DNAH1: variants seen among roughly 807,000 people sequenced by gnomAD.
The protein encoded by DNAH1 is dynein axonemal heavy chain 1.
Under a neutral mutation model 484.3 loss-of-function variants are expected in DNAH1, and 327 were observed. The observed-to-expected ratio is 0.68, with a 90% confidence interval of 0.62 to 0.74. DNAH1 has a LOEUF of 0.74. Ranked by LOEUF, DNAH1 falls within the 30% of genes least tolerant of loss-of-function variation. The pLI is 0.00. For missense variants in DNAH1, 5,052 were observed against 5,546.8 expected, an observed-to-expected ratio of 0.91 and a Z score of 2.83; for synonymous variants, 2,192 against 2,191.9, an observed-to-expected ratio of 1.00 and a Z score of 0.00.
At position 52,346,747 on chromosome 3, in the gene DNAH1, C is replaced by G. The variant is rs375044038; in HGVS notation, c.1932C>G (p.Asp644Glu). ...GCACCGATGACATGGTCTGGGGTGA[C>G]GACTTAATTAACAGCCCCTACAGGT... ...LNCTDDMVWG[D>E]DLINSPYRPR... Residue 644 changes from aspartate to glutamate, a missense_variant, in exon 11 of 78, where the codon GAC becomes GAG. Asp to Glu is a conservative substitution (Grantham distance 45). Around this residue, in one of 4 missense-constraint regions of DNAH1, gnomAD observed 1,263 missense variants for 1,218.8 expected, o/e 1.04. Coordinates refer to ENST00000420323, the MANE Select transcript of DNAH1 (RefSeq NM_015512.5). 5 of 1,606,832 alleles carry G rather than the reference C, an allele frequency of 3.1e-6. No individual in the cohort carries two copies. The highest frequency in any genetic ancestry group is 4.3e-6 in the Non-Finnish European group (5 of 1,173,944).
At position 52,392,510 on chromosome 3, in the gene DNAH1, C is replaced by T. The variant is rs777245791; in HGVS notation, c.10099C>T (p.Pro3367Ser). ...GGGCCAGGTAGTGGCAGAGGAGCGA[C>T]CCGACCTGGAGGAGGCCAAGAACCA... is the stretch of plus-strand genomic sequence containing the variant. ...LLGQVVAEER[P>S]DLEEAKNQLI... The change falls in exon 64 of 78, where the codon CCC becomes TCC. Residue 3367 changes from proline (P) to serine (S), a missense_variant. Physicochemically the swap from Pro to Ser is moderately conservative, Grantham distance 74. Coordinates refer to ENST00000420323, the MANE Select transcript of DNAH1 (RefSeq NM_015512.5). 5.0e-6 allele frequency: 8 copies of T among 1,613,830 alleles called. No homozygotes were observed. The highest frequency in any genetic ancestry group is 6.8e-6 in the Non-Finnish European group (8 of 1,179,888).
chr3:52,388,389 G>A (rs762261104), intron 57 of DNAH1, 29 bp from the exon 58 acceptor site: 5 of 1,603,262 alleles, frequency 3.1e-6, no homozygotes, highest in African/African-American at 2.7e-5. Flanking sequence ...GGTACTTGGC[G>A]AGCTAATCCT....
chr3:52,327,919 G>A lies in DNAH1; in HGVS notation c.776G>A (p.Arg259Lys), dbSNP rs780285931. ...GAGGACTTTGACTGCCGGACTCCCA[G>A]AGAGTGGATCAACATGGGCTTGGAG... Reference protein sequence around the residue: ...DNEDFDCRTPREWINMGLEPG... With the variant: ...DNEDFDCRTPKEWINMGLEPG... The change falls in exon 6 of 78, where the codon AGA (arginine) becomes AAA (lysine). Residue 259 changes from arginine (R) to lysine (K), a missense_variant. Physicochemically the swap from Arg to Lys is conservative, Grantham distance 26. Around this residue, in one of 4 missense-constraint regions of DNAH1, gnomAD observed 1,263 missense variants for 1,218.8 expected, o/e 1.04. Coordinates refer to ENST00000420323, the MANE Select transcript of DNAH1 (RefSeq NM_015512.5). The A allele has an allele frequency of 6.2e-7, 1 of 1,613,894 alleles. No homozygotes were observed. The highest frequency in any genetic ancestry group is 1.3e-5 in the African/African-American group (1 of 74,944).
intron 6 of DNAH1, among the ~76,000 whole-genome samples, chr3:52,329,818 C>G (rs1419802299): frequency 2.7e-5 from 4 of 150,794 alleles, no homozygotes; most frequent in Non-Finnish European, 5.9e-5. Flanking sequence ...GAGTGAGACT[C>G]CATCTGGAAA....
rs1703749583 is a variant in DNAH1, at chr3:52,379,571, T to G, written c.7378-334T>G. 6.6e-6 allele frequency among the ~76,000 whole-genome samples: 1 copy of G among 151,582 alleles called. No homozygotes were observed. The stretch of plus-strand genomic sequence containing the variant: ...AGGAGCATCAAGCATCCCTCCCAGG[T>G]TTGGGGTTAGGGGAGCGACAGGGGG... On this transcript the variant is annotated intron_variant, in intron 47 of 77. Transcript: ENST00000420323. The surrounding 1 kb of genome is among the most constrained non-coding windows in gnomAD (Gnocchi z 4.4).
At chr3:52,386,074 G>T in intron 54 of DNAH1, 86 bp from the exon 55 acceptor site, 7 of 1,439,712 alleles carry the variant, frequency 4.9e-6, no homozygotes, top group Non-Finnish European at 5.6e-6. Flanking sequence ...GGAGAACAGG[G>T]CACCCCAACT....
rs948703765 is a variant in DNAH1, at chr3:52,372,094, C to A, written c.6666+8C>A. 15 of 1,610,846 alleles carry A rather than the reference C, an allele frequency of 9.3e-6. No homozygotes were observed. Among genetic ancestry groups the A allele is most frequent in the East Asian group, 4.5e-5 (2 of 44,878 alleles). ...CTCACCAACAAGAAGCCCGTGAGCA[C>A]CCCCCCAGGCCCTGCCTCCACTGTC... On this transcript the variant is annotated splice_region_variant and intron_variant, in intron 42 of 77. Coordinates refer to ENST00000420323, the MANE Select transcript of DNAH1 (RefSeq NM_015512.5).
Position 52,388,161 on chromosome 3 carries a change from C to T in DNAH1, c.9004-6C>T, listed in dbSNP as rs1157685380. 1 of 1,606,852 alleles carries T rather than the reference C, an allele frequency of 6.2e-7. No homozygotes were observed. The highest frequency in any genetic ancestry group is 1.1e-5 in the South Asian group (1 of 89,240). On this transcript the variant is annotated splice_polypyrimidine_tract_variant and splice_region_variant and intron_variant, in intron 56 of 77. Transcript: ENST00000420323. ...AGCCTCTTGAGACCCAGGCTTCCCA[C>T]CTCAGGACAACATTGGGGATGTGGT...
chr3:52,350,177 G>A (rs956660541), intron 15 of DNAH1, 69 bp downstream of exon 15: 6 of 1,568,384 alleles, frequency 3.8e-6, no homozygotes, highest in Non-Finnish European at 5.2e-6. Flanking sequence ...GAGGGCTGGG[G>A]CAGGCAGGGG....
intron 77 of DNAH1, 101 bp downstream of exon 77, chr3:52,399,880 G>A (rs143158629): frequency 7.2e-5 from 91 of 1,258,774 alleles, no homozygotes; most frequent in Non-Finnish European, 9.3e-5. Context: ...GAACAAGGAA[G>A]GACAACAGAG....
Position 52,388,439 on chromosome 3 carries a change from G to T in DNAH1, c.9193G>T (p.Asp3065Tyr). The change falls in exon 58 of 78, where the codon GAT becomes TAT. Residue 3065 changes from aspartate (D) to tyrosine (Y), a missense_variant. Transcript: ENST00000420323. ...PKRQALLEAQ[D>Y]DLGVTQRILD... is the part of the protein sequence containing the mutation. ...ACAGCAAGCCCTGCTGGAGGCCCAG[G>T]ATGACCTGGGGGTGACACAGAGGAT... 2.5e-6 allele frequency: 4 copies of T among 1,612,524 alleles called. No homozygotes were observed. The highest frequency in any genetic ancestry group is 3.4e-6 in the Non-Finnish European group (4 of 1,179,264).
At chr3:52,400,029 G>C (rs1356575973) in intron 77 of DNAH1, among the ~76,000 whole-genome samples, 1 of 152,238 alleles carries the variant, frequency 6.6e-6, no homozygotes, top group Non-Finnish European at 1.5e-5. Context: ...ACAAGCCCCA[G>C]CCTGTCATTG....
At chr3:52,317,345 CAT>C (rs1700983235) in intron 1 of DNAH1, among the ~76,000 whole-genome samples, 1 of 152,150 alleles carries the variant, frequency 6.6e-6, no homozygotes, top group Non-Finnish European at 1.5e-5. Context: ...GTGTCGGGCG[CAT>C]CCGCTGCCCA....
At chr3:52,351,268 C>G (rs1467660750) in intron 16 of DNAH1, among the ~76,000 whole-genome samples, 2 of 152,174 alleles carry the variant, frequency 1.3e-5, no homozygotes, top group East Asian at 3.9e-4. Context: ...TGGAGAGGGG[C>G]ATTTGTCCCC....
chr3:52,392,808 CCCCCA>C lies in DNAH1; in HGVS notation c.10279-18_10279-14del. The C allele has an allele frequency of 1.7e-6, 1 of 584,412 alleles. No individual in the cohort carries two copies. The highest frequency in any genetic ancestry group is 3.1e-6 in the Non-Finnish European group (1 of 318,472). 36.2% of individuals were successfully genotyped at this position (584,412 alleles called of 1,614,324 possible). A position where few individuals can be genotyped will look rare whatever the true frequency, so the allele number is the denominator to read the frequency against. On this transcript the variant is annotated splice_polypyrimidine_tract_variant and intron_variant, in intron 64 of 77. Transcript: ENST00000420323. Reference sequence around the variant, plus strand: ...CCTACCTTCTGCTCTTTGACCCCTCCCCCCACCCACTACACCCACAGGCCAAAGTC... The same window carrying C: ...CCTACCTTCTGCTCTTTGACCCCTCCCCCACTACACCCACAGGCCAAAGTC...
In DNAH1 at chr3:52,347,861, C is replaced by A; in HGVS notation, c.1993C>A (p.Leu665Met). 1 of 1,602,798 alleles carries A rather than the reference C, an allele frequency of 6.2e-7. No homozygotes were observed. The highest frequency in any genetic ancestry group is 8.5e-7 in the Non-Finnish European group (1 of 1,174,516). The change falls in exon 12 of 78, where the codon CTG becomes ATG. Residue 665 changes from leucine (L) to methionine (M), a missense_variant. Leu to Met is a conservative substitution (Grantham distance 15, BLOSUM62 2). Around this residue, in one of 4 missense-constraint regions of DNAH1, gnomAD observed 1,263 missense variants for 1,218.8 expected, o/e 1.04. Transcript: ENST00000420323. The stretch of plus-strand genomic sequence containing the variant: ...TCCCCTGTTCATCATGGACCTGGTG[C>A]TGGACAGCTCTGGGGTGCACTATAG... ...KNPLFIMDLVLDSSGVHYSTP... is the reference protein window; with the variant it reads ...KNPLFIMDLVMDSSGVHYSTP...
In DNAH1 at chr3:52,364,840, T is replaced by C; in HGVS notation, c.5339T>C (p.Ile1780Thr). Residue 1780 changes from isoleucine to threonine, a missense_variant, in exon 34 of 78, where the codon ATC becomes ACC. This residue lies in a region of DNAH1 where 2,929 missense variants were observed against 3,409.4 expected (regional missense o/e 0.86). Coordinates refer to ENST00000420323, the MANE Select transcript of DNAH1 (RefSeq NM_015512.5). This position sits in a 1 kb window ranked among gnomAD's most constrained non-coding sequence, Gnocchi z 4.2. Reference protein sequence around the residue: ...RENPSMNEELICLRAIRDVNV... With the variant: ...RENPSMNEELTCLRAIRDVNV... ...AGCCGGCACCTGCTGCAGGAGCTGA[T>C]CTGCCTCCGGGCCATCCGTGATGTG... 6.2e-7 allele frequency: 1 copy of C among 1,613,108 alleles called. No homozygotes were observed. The highest frequency in any genetic ancestry group is 8.5e-7 in the Non-Finnish European group (1 of 1,179,210).
intron 44 of DNAH1, chr3:52,373,797 A>AT: frequency 7.0e-7 from 1 of 1,420,006 alleles, no homozygotes; most frequent in Non-Finnish European, 1.0e-6. Flanking sequence ...GGTAGAATAT[A>AT]TCACCCATAA....
In DNAH1 at chr3:52,398,174, G is replaced by C; in HGVS notation, c.12089+12G>C. ...CAAGAGGTCATTAGGTAATCACCCC[G>C]CCATACCCCTGCCCCGAGTCAGCGG... On this transcript the variant is annotated intron_variant, in intron 75 of 77. Coordinates refer to ENST00000420323, the MANE Select transcript of DNAH1 (RefSeq NM_015512.5). The C allele has an allele frequency of 6.3e-7, 1 of 1,597,360 alleles. No homozygotes were observed. The highest frequency in any genetic ancestry group is 8.5e-7 in the Non-Finnish European group (1 of 1,171,564).
Sources: gnomAD v4.1 joint callset for allele counts (sites outside exome capture counted in the v4.1 genomes callset) on GRCh38, gnomAD v4.1.1 for gene constraint, gnomAD v4.1.1 regional missense constraint, Gnocchi (gnomAD v3.1) non-coding constraint, MANE v1.5 for transcripts, NCBI Gene and HGNC (gene_info 2026-07-23, HGNC 2026-07-21) for gene names.